MAGI2: variants seen among roughly 807,000 people sequenced by gnomAD.
The protein encoded by MAGI2 is membrane associated guanylate kinase, WW and PDZ domain containing 2.
In MAGI2, 35 loss-of-function variants were observed where a neutral mutation model predicts 133.3. That is an observed-to-expected ratio of 0.26 (90% CI 0.20 to 0.35). The LOEUF is 0.35. MAGI2 is among the 10% of genes least tolerant of loss of function. The pLI is 1.00. For synonymous variants in MAGI2, 729 were observed against 710.6 expected (o/e 1.03, Z -0.41); for missense variants, 1,636 against 1,863.4 (o/e 0.88, Z 2.25).
At chr7:78,148,949 C>A (rs957745542) in intron 16 of MAGI2, among the ~76,000 whole-genome samples, 4 of 152,054 alleles carry the variant, frequency 2.6e-5, no homozygotes, top group South Asian at 2.1e-4. Context: ...TAGAATGAGT[C>A]TGATGATAAT....
At chr7:78,217,986 G>A (rs1467180101) in intron 10 of MAGI2, among the ~76,000 whole-genome samples, 1 of 152,078 alleles carries the variant, frequency 6.6e-6, no homozygotes, top group Non-Finnish European at 1.5e-5. Context: ...GTTTTACTTA[G>A]GAAAAAAAGT....
chr7:79,355,133 T>C (rs1177602833), intron 1 of MAGI2, among the ~76,000 whole-genome samples: 1 of 152,196 alleles, frequency 6.6e-6, no homozygotes, highest in Non-Finnish European at 1.5e-5. Flanking sequence ...TCATTTCCTC[T>C]TTAACCAGGA....
chr7:79,406,772 T>C (rs13225181), intron 1 of MAGI2, among the ~76,000 whole-genome samples: 1 of 152,082 alleles, frequency 6.6e-6, no homozygotes. Context: ...TAAAAGGCTG[T>C]GAAGAAAACA....
intron 10 of MAGI2, among the ~76,000 whole-genome samples, chr7:78,231,935 T>A (rs1181103838): frequency 1.3e-5 from 1 of 74,766 alleles, no homozygotes; most frequent in East Asian, 3.0e-4. Flanking sequence ...ACCAAGAGGG[T>A]TTTTTTTCCC....
chr7:79,110,121 C>T (rs1818800722), intron 1 of MAGI2, among the ~76,000 whole-genome samples: 3 of 151,570 alleles, frequency 2.0e-5, no homozygotes, highest in African/African-American at 7.3e-5. Context: ...GTGAAGAAGG[C>T]TTGGTAGTCT....
At chr7:78,699,500 T>C (rs1391338145) in intron 2 of MAGI2, among the ~76,000 whole-genome samples, 1 of 152,204 alleles carries the variant, frequency 6.6e-6, no homozygotes. Flanking sequence ...ATTCCATGTT[T>C]AGATGTGGGT....
rs543321514 is a variant in MAGI2 at position 78,878,770 on chromosome 7, G to T, written c.418+128320C>A. On this transcript the variant is annotated intron_variant, in intron 2 of 21. Coordinates refer to ENST00000354212, the MANE Select transcript of MAGI2 (RefSeq NM_012301.4). Reference sequence around the variant, plus strand: ...TAAAACAAAATCGTGGTGCAGTGGGGCCTTCTCCACTCCATGCCCAGGCAG... The same window carrying T: ...TAAAACAAAATCGTGGTGCAGTGGGTCCTTCTCCACTCCATGCCCAGGCAG... 1.3e-5 allele frequency among the ~76,000 whole-genome samples: 2 copies of T among 152,288 alleles called. 1 individual carries two copies. The highest frequency in any genetic ancestry group is 4.1e-4 in the South Asian group (2 of 4,826).
chr7:78,256,588 GAA>G lies in MAGI2; in HGVS notation c.1409-9_1409-8del. ...ATATAGACAATGACATCACCTGTAA[GAA>G]AAAAAGAGATTGACAACATGAGGTA... On this transcript the variant is annotated splice_polypyrimidine_tract_variant and splice_region_variant and intron_variant, in intron 9 of 21. Transcript: ENST00000354212. 2 of 1,595,246 alleles carry G rather than the reference GAA, an allele frequency of 1.3e-6. No individual in the cohort carries two copies. Among genetic ancestry groups the G allele is most frequent in the Non-Finnish European group, 1.7e-6 (2 of 1,173,972 alleles).
At chr7:78,827,917 C>T (rs1054521809) in intron 2 of MAGI2, among the ~76,000 whole-genome samples, 1 of 152,190 alleles carries the variant, frequency 6.6e-6, no homozygotes, top group Non-Finnish European at 1.5e-5. Flanking sequence ...CAGAGTCTCA[C>T]TCTTTCACCC....
chr7:79,307,585 T>C (rs934361306), intron 1 of MAGI2, among the ~76,000 whole-genome samples: 1 of 152,200 alleles, frequency 6.6e-6, no homozygotes, highest in African/African-American at 2.4e-5. Flanking sequence ...GTAGATGTAA[T>C]TGGATTTCTT....
At chr7:78,689,682 C>CTTTTTT (rs200333526) in intron 2 of MAGI2, among the ~76,000 whole-genome samples, 347 of 92,000 alleles carry the variant, frequency 3.8e-3, no homozygotes, top group East Asian at 7.7e-3. Flanking sequence ...TTGGATCTGG[C>CTTTTTT]TTTTTTTTTT....
At position 79,309,605 on chromosome 7, in the gene MAGI2, T is replaced by A. The variant is rs370974490; in HGVS notation, c.301+143415A>T. Among the ~76,000 whole-genome samples, 11 of 152,020 alleles carry A rather than the reference T, an allele frequency of 7.2e-5. No individual in the cohort carries two copies. The East Asian group carries it at 1.4e-3, about 19-fold the overall frequency. On this transcript the variant is annotated intron_variant, in intron 1 of 21. Transcript: ENST00000354212. Reference sequence around the variant, plus strand: ...AACGCTGAACAATCTAGTAAAAAATTAGTTTCACTAGACACGGTATATAAT... The same window carrying A: ...AACGCTGAACAATCTAGTAAAAAATAAGTTTCACTAGACACGGTATATAAT...
intron 3 of MAGI2, among the ~76,000 whole-genome samples, chr7:78,586,294 C>G (rs1255509568): frequency 6.6e-6 from 1 of 152,128 alleles, no homozygotes; most frequent in Non-Finnish European, 1.5e-5. Context: ...GCTAGCTTAG[C>G]TGTGATAACT....
rs186823129 is a variant in MAGI2, at chr7:78,763,955, A to G, written c.419-136716T>C. On this transcript the variant is annotated intron_variant, in intron 2 of 21. Coordinates refer to ENST00000354212, the MANE Select transcript of MAGI2 (RefSeq NM_012301.4). ...TTGTTTATTCTTTTCAGGGTTCTCAACAGAGAACCTTCAAGCCAGACACAG... is the reference window on the plus strand; with the variant it reads ...TTGTTTATTCTTTTCAGGGTTCTCAGCAGAGAACCTTCAAGCCAGACACAG... 5.0e-3 allele frequency among the ~76,000 whole-genome samples: 762 copies of G among 152,282 alleles called. 13 individuals carry two copies. Among genetic ancestry groups the G allele is most frequent in the African/African-American group, 0.018 (732 of 41,558 alleles).
chr7:79,343,020 T>A (rs1841020605), intron 1 of MAGI2, among the ~76,000 whole-genome samples: 1 of 152,110 alleles, frequency 6.6e-6, no homozygotes, highest in South Asian at 2.1e-4. Context: ...CATCTCGGCC[T>A]CCCAAAGTGC....
At chr7:78,374,998 C>G (rs1348318392) in intron 6 of MAGI2, among the ~76,000 whole-genome samples, 1 of 151,842 alleles carries the variant, frequency 6.6e-6, no homozygotes, top group Non-Finnish European at 1.5e-5. Flanking sequence ...CACCACTACA[C>G]CTGGCTATTT....
chr7:78,254,546 C>T (rs1414424470), intron 10 of MAGI2: 2 of 152,132 alleles, frequency 1.3e-5, no homozygotes, highest in African/African-American at 4.8e-5. Flanking sequence ...GATTGTTTGG[C>T]TATCATATGA....
chr7:78,476,463 T>C (rs1295490200), intron 6 of MAGI2, among the ~76,000 whole-genome samples: 3 of 152,066 alleles, frequency 2.0e-5, no homozygotes, highest in Non-Finnish European at 2.9e-5. Context: ...TGGCCAAATA[T>C]GGAAAATAAT....
At chr7:79,446,703 C>A (rs189033763) in intron 1 of MAGI2, among the ~76,000 whole-genome samples, 187 of 152,286 alleles carry the variant, frequency 1.2e-3, no homozygotes, top group African/African-American at 3.9e-3. Flanking sequence ...GTAATCCCAG[C>A]CCTTTGGGAG....
Sources: gnomAD v4.1 joint callset for allele counts (sites outside exome capture counted in the v4.1 genomes callset) on GRCh38, gnomAD v4.1.1 for gene constraint, MANE v1.5 for transcripts, NCBI Gene and HGNC (gene_info 2026-07-23, HGNC 2026-07-21) for gene names.